Variants in CFAP298 observed in about 807,000 individuals in gnomAD.
CFAP298 encodes cilia- and flagella-associated protein 298.
In CFAP298, 38 loss-of-function variants were observed where a neutral mutation model predicts 41.0. The ratio of observed to expected loss-of-function variants is 0.93; its 90% CI spans 0.72 to 1.22. The LOEUF is 1.22. Among genes scored for constraint, CFAP298 ranks in the 50% most tolerant of loss-of-function variants. The pLI is 0.00. For synonymous variants in CFAP298, 137 were observed against 135.3 expected, an observed-to-expected ratio of 1.01 and a Z score of -0.09; for missense variants, 348 against 360.3, an observed-to-expected ratio of 0.97 and a Z score of 0.28.
intron 1 of CFAP298, among the ~76,000 whole-genome samples, chr21:32,611,318 C>CATATATAT (rs71193198): frequency 9.6e-5 from 11 of 114,846 alleles, no homozygotes; most frequent in Admixed American, 3.4e-4. Flanking sequence ...ACACACATAC[C>CATATATAT]ATATATATAT....
At chr21:32,602,800 T>G in intron 5 of CFAP298, 1 of 1,360,428 alleles carries the variant, frequency 7.4e-7, no homozygotes, top group Non-Finnish European at 9.4e-7. Context: ...GAACCTTTCC[T>G]CCTCCCCCTC....
chr21:32,610,696 A>G (rs1033616371), intron 1 of CFAP298, among the ~76,000 whole-genome samples: 1 of 152,202 alleles, frequency 6.6e-6, no homozygotes, highest in African/African-American at 2.4e-5. Flanking sequence ...TGGAACCTCA[A>G]TTAAGAAACT....
rs2038709946 is a variant in CFAP298, at chr21:32,599,969, CAA to C, written c.*1892_*1893del. ...GAAGCAATGGGATAACTATCACGGC[CAA>C]AAGAGTATTCCTACTGCAGGCTCAG... On this transcript the variant is annotated 3_prime_UTR_variant, in exon 7 of 7. Transcript: ENST00000290155. Among the ~76,000 whole-genome samples the C allele has an allele frequency of 6.6e-6, 1 of 152,130 alleles. No homozygotes were observed. Among genetic ancestry groups the C allele is most frequent in the Non-Finnish European group, 1.5e-5 (1 of 68,026 alleles).
intron 1 of CFAP298, among the ~76,000 whole-genome samples, chr21:32,610,733 T>C (rs2038970291): frequency 6.6e-6 from 1 of 152,238 alleles, no homozygotes; most frequent in Non-Finnish European, 1.5e-5. Flanking sequence ...AAAAGAACCA[T>C]GACCCTCAGG....
At chr21:32,609,545 A>G (rs558372552) in intron 2 of CFAP298, among the ~76,000 whole-genome samples, 1 of 152,244 alleles carries the variant, frequency 6.6e-6, no homozygotes, top group African/African-American at 2.4e-5. Flanking sequence ...CCGGCAGATC[A>G]TCTGAGGTCA....
At chr21:32,605,149 A>G (rs1259924106) in intron 3 of CFAP298, among the ~76,000 whole-genome samples, 1 of 152,254 alleles carries the variant, frequency 6.6e-6, no homozygotes, top group African/African-American at 2.4e-5. Context: ...ACTGCACTCC[A>G]GCTTGGGCAA....
rs534551187 is a variant in CFAP298 at position 32,604,753 on chromosome 21, G to A, written c.376-470C>T. Among the ~76,000 whole-genome samples, 3 of 152,368 alleles carry A rather than the reference G, an allele frequency of 2.0e-5. No individual in the cohort carries two copies. In the East Asian group the frequency reaches 5.8e-4, roughly 29 times the overall value. Reference sequence around the variant, plus strand: ...GCCAGCTCTAGCTGGATCAGCTGAAGTTTGTTTTTGAATGGCCACAAAAGC... The same window carrying A: ...GCCAGCTCTAGCTGGATCAGCTGAAATTTGTTTTTGAATGGCCACAAAAGC... On this transcript the variant is annotated intron_variant, in intron 3 of 6. Coordinates refer to ENST00000290155, the MANE Select transcript of CFAP298 (RefSeq NM_021254.4).
chr21:32,602,226 A>G, intron 6 of CFAP298, 46 bp downstream of exon 6: 1 of 1,553,192 alleles, frequency 6.4e-7, no homozygotes, highest in Non-Finnish European at 8.9e-7. Flanking sequence ...CACACAGGCT[A>G]TGTGTGGGCG....
At chr21:32,602,540 C>T (rs1444028886) in intron 5 of CFAP298, 173 bp from the exon 6 acceptor site, 2 of 1,427,752 alleles carry the variant, frequency 1.4e-6, no homozygotes, top group African/African-American at 1.4e-5. Context: ...TTGAGCAGCC[C>T]TGAGCCCTGG....
intron 6 of CFAP298, 77 bp downstream of exon 6, chr21:32,602,195 C>T: frequency 7.1e-7 from 1 of 1,412,606 alleles, no homozygotes; most frequent in Non-Finnish European, 1.0e-6. Flanking sequence ...GCTCACTGCT[C>T]CCCAGCAGCC....
rs1335762840 is a variant in CFAP298 at position 32,600,241 on chromosome 21, C to G, written c.*1622G>C. On this transcript the variant is annotated 3_prime_UTR_variant, in exon 7 of 7. Coordinates refer to ENST00000290155, the MANE Select transcript of CFAP298 (RefSeq NM_021254.4). ...AACCAAGTAAAAGAGAAAATAGATG[C>G]AAATTTGCTTTTACAAAATTTGAAA... 9.2e-5 allele frequency among the ~76,000 whole-genome samples: 14 copies of G among 152,210 alleles called. No homozygotes were observed. The highest frequency in any genetic ancestry group is 1.5e-5 in the Non-Finnish European group (1 of 68,038).
At chr21:32,602,066 C>T (rs1568990635) in intron 6 of CFAP298, 93 bp from the exon 7 acceptor site, 1 of 915,742 alleles carries the variant, frequency 1.1e-6, no homozygotes, top group Non-Finnish European at 1.8e-6. Context: ...TGACCTCCCC[C>T]TCTCCCTGCC....
At chr21:32,610,031 C>T in intron 1 of CFAP298, 26 bp from the exon 2 acceptor site, 1 of 1,599,684 alleles carries the variant, frequency 6.3e-7, no homozygotes, top group Non-Finnish European at 8.5e-7. Context: ...AAGACAGTAT[C>T]ACAATCATAA....
chr21:32,608,242 A>AG lies in CFAP298; in HGVS notation c.308-527_308-526insC, dbSNP rs1555883765. On this transcript the variant is annotated intron_variant, in intron 2 of 6. Transcript: ENST00000290155. The stretch of plus-strand genomic sequence containing the variant: ...TAGAAGCCAAAAAAAAAAAAAAAAA[A>AG]AAGAAGAAGATGGAATGCCCAAACC... Among the ~76,000 whole-genome samples, 191 of 138,616 alleles carry AG rather than the reference A, an allele frequency of 1.4e-3. 3 individuals are homozygous for AG. Among genetic ancestry groups the AG allele is most frequent in the East Asian group, 4.8e-3 (22 of 4,566 alleles). 90.9% of individuals were successfully genotyped at this position (138,616 alleles called of 152,430 possible). A position where few individuals can be genotyped will look rare whatever the true frequency, so the allele number is the denominator to read the frequency against.
intron 1 of CFAP298, 21 bp from the exon 2 acceptor site, chr21:32,610,026 A>T (rs770495702): frequency 6.2e-7 from 1 of 1,605,804 alleles, no homozygotes; most frequent in Admixed American, 1.7e-5. Flanking sequence ...AGTGAAAGAC[A>T]GTATCACAAT....
In CFAP298 at chr21:32,612,114, G is replaced by A; in HGVS notation, c.130C>T (p.Leu44Phe). The A allele has an allele frequency of 1.3e-6, 2 of 1,554,814 alleles. No homozygotes were observed. The highest frequency in any genetic ancestry group is 1.7e-6 in the Non-Finnish European group (2 of 1,149,688). Residue 44 changes from leucine (L) to phenylalanine (F), a missense_variant, in exon 1 of 7, where the codon CTC (leucine) becomes TTC (phenylalanine). By Grantham distance (22) the Leu-to-Phe change is conservative (BLOSUM62 0). Coordinates refer to ENST00000290155, the MANE Select transcript of CFAP298 (RefSeq NM_021254.4). ...CACCCGCGAGCCGCACCTGAGCAGA[G>A]GCGCTGCACCTTGAGCCGCCCATTA... ...VYNGRLKVQR[L>F]CSEMEELAEH...
At chr21:32,602,224 C>G (rs373822170) in intron 6 of CFAP298, 48 bp downstream of exon 6, 33 of 1,555,306 alleles carry the variant, frequency 2.1e-5, no homozygotes, top group Non-Finnish European at 2.7e-5. Context: ...GGCACACAGG[C>G]TATGTGTGGG....
intron 1 of CFAP298, among the ~76,000 whole-genome samples, chr21:32,611,345 T>C (rs907583400): frequency 6.3e-5 from 8 of 127,714 alleles, no homozygotes; most frequent in African/African-American, 2.8e-4. Context: ...ATATAATTTA[T>C]TTATATTTAT....
chr21:32,609,799 T>C, intron 2 of CFAP298, 39 bp downstream of exon 2: 1 of 1,558,684 alleles, frequency 6.4e-7, no homozygotes, highest in Non-Finnish European at 8.8e-7. Flanking sequence ...TACTTATGCC[T>C]GTATCAAGCA....
Sources: gnomAD v4.1 joint callset for allele counts (sites outside exome capture counted in the v4.1 genomes callset) on GRCh38, gnomAD v4.1.1 for gene constraint, MANE v1.5 for transcripts, NCBI Gene and HGNC (gene_info 2026-07-23, HGNC 2026-07-21) for gene names.